NRG1: variants seen among roughly 807,000 people sequenced by gnomAD.
NRG1 encodes the protein neuregulin 1.
Under a neutral mutation model 63.8 loss-of-function variants are expected in NRG1, and 18 were observed. That is an observed-to-expected ratio of 0.28 (90% CI 0.19 to 0.42). The LOEUF is 0.42. Ranked by LOEUF, NRG1 falls within the 10% of genes least tolerant of loss-of-function variation. The probability of loss-of-function intolerance (pLI) is 1.00; values close to 1 mark genes in which losing one functional copy is unlikely to be tolerated. For synonymous variants in NRG1, 302 were observed against 301.3 expected (o/e 1.00, Z -0.02); for missense variants, 762 against 814.7 (o/e 0.94, Z 0.79).
chr8:31,710,178 T>G (rs1198127631), intron 1 of NRG1, among the ~76,000 whole-genome samples: 1 of 151,760 alleles, frequency 6.6e-6, no homozygotes, highest in Non-Finnish European at 1.5e-5. Flanking sequence ...TTGGAGGGGG[T>G]TTTAAAATTA....
At chr8:32,366,340 T>A (rs1019978061) in intron 1 of NRG1, among the ~76,000 whole-genome samples, 2 of 152,022 alleles carry the variant, frequency 1.3e-5, no homozygotes, top group African/African-American at 4.8e-5. Context: ...CTTCTCTTCA[T>A]CTGCCCCCCA....
chr8:32,356,259 C>T (rs1036935258), intron 1 of NRG1, among the ~76,000 whole-genome samples: 8 of 152,200 alleles, frequency 5.3e-5, no homozygotes, highest in African/African-American at 1.9e-4. Flanking sequence ...TCCAGTCTCA[C>T]TTTCCAATTC....
At chr8:32,400,720 G>A (rs1350372037) in intron 1 of NRG1, among the ~76,000 whole-genome samples, 1 of 152,218 alleles carries the variant, frequency 6.6e-6, no homozygotes, top group Non-Finnish European at 1.5e-5. Context: ...GTTCTGGAAA[G>A]CAGCATGGCG....
At chr8:32,749,593 C>T (rs1409611071) in intron 7 of NRG1, 5 of 1,613,282 alleles carry the variant, frequency 3.1e-6, no homozygotes, top group South Asian at 2.2e-5. Flanking sequence ...GGGTATGGAC[C>T]AATCATCATT....
At chr8:31,845,597 G>A (rs1201349804) in intron 1 of NRG1, among the ~76,000 whole-genome samples, 1 of 152,090 alleles carries the variant, frequency 6.6e-6, no homozygotes, top group African/African-American at 2.4e-5. Context: ...ATGAATTTAG[G>A]AGACTGGCGT....
intron 1 of NRG1, among the ~76,000 whole-genome samples, chr8:32,563,674 A>G (rs957691809): frequency 6.6e-6 from 1 of 151,984 alleles, no homozygotes; most frequent in Non-Finnish European, 1.5e-5. Context: ...TTTCAGAATA[A>G]TTTTTCCTCA....
chr8:32,547,187 C>A (rs1056890778), upstream of NRG1, among the ~76,000 whole-genome samples: 1 of 152,154 alleles, frequency 6.6e-6, no homozygotes, highest in Non-Finnish European at 1.5e-5. Flanking sequence ...GTGCCCGTTA[C>A]CCTGGTCTTT....
intron 1 of NRG1, among the ~76,000 whole-genome samples, chr8:31,836,301 A>G (rs550576652): frequency 6.6e-6 from 1 of 152,284 alleles, no homozygotes; most frequent in Non-Finnish European, 1.5e-5. Context: ...TTGAATTACA[A>G]CTGTGACTTT....
At chr8:31,891,459 A>G (rs1487729974) in intron 1 of NRG1, among the ~76,000 whole-genome samples, 1 of 152,180 alleles carries the variant, frequency 6.6e-6, no homozygotes, top group Non-Finnish European at 1.5e-5. Context: ...AACTATCAAA[A>G]TGGCTAAAAT....
intron 1 of NRG1, among the ~76,000 whole-genome samples, chr8:32,052,181 C>T (rs1158520402): frequency 2.6e-5 from 4 of 151,862 alleles, no homozygotes; most frequent in Non-Finnish European, 5.9e-5. Context: ...GGATATTAAG[C>T]TTCCATCTCT....
At chr8:32,227,398 A>G (rs966173650) in intron 1 of NRG1, among the ~76,000 whole-genome samples, 3 of 152,212 alleles carry the variant, frequency 2.0e-5, no homozygotes, top group South Asian at 2.1e-4. Context: ...ACAGTATAAG[A>G]TTTTTAAAAA....
chr8:32,609,454 A>G (rs1008555713), intron 3 of NRG1, among the ~76,000 whole-genome samples: 3 of 151,972 alleles, frequency 2.0e-5, no homozygotes, highest in Non-Finnish European at 4.4e-5. Context: ...TACTGGGTTT[A>G]TAAATTGCCG....
At chr8:31,770,790 T>C (rs954672001) in intron 1 of NRG1, among the ~76,000 whole-genome samples, 5 of 147,922 alleles carry the variant, frequency 3.4e-5, no homozygotes, top group South Asian at 2.1e-4. Flanking sequence ...TATATATATA[T>C]ATATATACAT....
chr8:32,451,697 G>A (rs967709591), intron 1 of NRG1, among the ~76,000 whole-genome samples: 1 of 152,132 alleles, frequency 6.6e-6, no homozygotes, highest in Admixed American at 6.6e-5. Context: ...TTTTTTGGCT[G>A]AACTTTTAGC....
At chr8:32,260,051 C>G (rs879606459) in intron 1 of NRG1, among the ~76,000 whole-genome samples, 9 of 152,064 alleles carry the variant, frequency 5.9e-5, no homozygotes, top group Non-Finnish European at 1.2e-4. Flanking sequence ...ACTTCTCTGC[C>G]CCAACTTGAT....
chr8:32,436,184 A>C (rs1471813914), intron 1 of NRG1, among the ~76,000 whole-genome samples: 4 of 152,178 alleles, frequency 2.6e-5, no homozygotes, highest in Non-Finnish European at 4.4e-5. Context: ...GGCAAGAGAG[A>C]ATGAGAGCAA....
intron 1 of NRG1, among the ~76,000 whole-genome samples, chr8:32,008,377 G>C (rs766184928): frequency 7.9e-5 from 12 of 151,928 alleles, no homozygotes; most frequent in Non-Finnish European, 1.5e-4. Flanking sequence ...TTTCAAACAA[G>C]TTTAATTATA....
At chr8:32,266,006 C>G (rs1243595311) in intron 1 of NRG1, among the ~76,000 whole-genome samples, 1 of 152,108 alleles carries the variant, frequency 6.6e-6, no homozygotes, top group Admixed American at 6.6e-5. Flanking sequence ...GGGACTTGAG[C>G]ATTTGCAGAT....
intron 1 of NRG1, among the ~76,000 whole-genome samples, chr8:32,412,060 G>T (rs967873637): frequency 1.3e-5 from 2 of 152,018 alleles, no homozygotes; most frequent in African/African-American, 4.8e-5. Context: ...AAGCAGATTC[G>T]TCTCCCCTAT....
Sources: gnomAD v4.1 joint callset for allele counts (sites outside exome capture counted in the v4.1 genomes callset) on GRCh38, gnomAD v4.1.1 for gene constraint, MANE v1.5 for transcripts, NCBI Gene and HGNC (gene_info 2026-07-23, HGNC 2026-07-21) for gene names.